The following ADGRL3 variants were observed in gnomAD, a reference collection of about 807,000 sequenced individuals.
ADGRL3 encodes the protein calcium-independent alpha-latrotoxin receptor 3.
ADGRL3 carries 62 observed loss-of-function variants against 153.5 expected under a neutral mutation model. That is an observed-to-expected ratio of 0.40 (90% CI 0.33 to 0.50). ADGRL3 has a LOEUF of 0.50. Among genes scored for constraint, ADGRL3 ranks in the 20% least tolerant of loss-of-function variants. The pLI, the probability that ADGRL3 is intolerant of heterozygous loss-of-function variation, is 0.47. For synonymous variants in ADGRL3, 710 were observed against 672.5 expected (o/e 1.06, Z -0.86); for missense variants, 1,641 against 1,859.4 (o/e 0.88, Z 2.16).
intron 2 of ADGRL3, among the ~76,000 whole-genome samples, chr4:61,419,729 T>A (rs1341682966): frequency 6.6e-6 from 1 of 152,188 alleles, no homozygotes; most frequent in African/African-American, 2.4e-5. Context: ...TTTTTAAAAA[T>A]TTTGATTGTT....
intron 4 of ADGRL3, among the ~76,000 whole-genome samples, chr4:61,545,971 G>A (rs992478678): frequency 6.6e-6 from 1 of 152,126 alleles, no homozygotes; most frequent in Non-Finnish European, 1.5e-5. Context: ...TTAATCTAAG[G>A]ACTGTGCTGT....
At chr4:61,692,816 A>G (rs984131497) in intron 6 of ADGRL3, among the ~76,000 whole-genome samples, 1 of 152,048 alleles carries the variant, frequency 6.6e-6, no homozygotes, top group Non-Finnish European at 1.5e-5. Context: ...CTCTATTACA[A>G]TTTTTATTTT....
intron 9 of ADGRL3, among the ~76,000 whole-genome samples, chr4:61,874,498 G>A (rs1193036065): frequency 6.6e-6 from 1 of 151,970 alleles, no homozygotes; most frequent in African/African-American, 2.4e-5. Context: ...ACATTCAAGG[G>A]GTGGGAAATA....
intron 4 of ADGRL3, among the ~76,000 whole-genome samples, chr4:61,524,344 C>G (rs1553954265): frequency 6.6e-6 from 1 of 152,048 alleles, no homozygotes; most frequent in Non-Finnish European, 1.5e-5. Context: ...ATGTAAGTCT[C>G]CAGTACAGAA....
chr4:61,354,574 CTG>C lies in ADGRL3; in HGVS notation c.-239-28525_-239-28524del, dbSNP rs58238791. 4.8e-3 allele frequency among the ~76,000 whole-genome samples: 718 copies of C among 148,344 alleles called. 7 individuals carry two copies. The highest frequency in any genetic ancestry group is 0.033 in the South Asian group (152 of 4,652). ...TTACTCATAGATGATAAGACTTTGTCTGTGTGTGTGTGTGTGTGTGTGTGTGC... is the reference window on the plus strand; with the variant it reads ...TTACTCATAGATGATAAGACTTTGTCTGTGTGTGTGTGTGTGTGTGTGTGC... On this transcript the variant is annotated intron_variant, in intron 1 of 26. Transcript: ENST00000683033.
chr4:61,513,358 G>A (rs2098473856), intron 3 of ADGRL3, among the ~76,000 whole-genome samples: 1 of 152,052 alleles, frequency 6.6e-6, no homozygotes. Flanking sequence ...ATCTTCCACA[G>A]ATAATATGAA....
In ADGRL3 at chr4:61,325,227, G is replaced by T. The variant is rs540305841; in HGVS notation, c.-239-57897G>T. On this transcript the variant is annotated intron_variant, in intron 1 of 26. Transcript: ENST00000683033. ...CTCAGGAGGCTGAGGCAGGAGAATC[G>T]CTTGAACCAGGGAGTCGGAAGTTGC... Among the ~76,000 whole-genome samples, 6 of 152,152 alleles carry T rather than the reference G, an allele frequency of 3.9e-5. No individual in the cohort carries two copies. The East Asian group carries it at 1.2e-3, about 29-fold the overall frequency.
chr4:61,429,814 G>A (rs188332354), intron 2 of ADGRL3, among the ~76,000 whole-genome samples: 1 of 152,222 alleles, frequency 6.6e-6, no homozygotes, highest in East Asian at 1.9e-4. Flanking sequence ...TGGAAATGAA[G>A]TAATTTTTTA....
intron 8 of ADGRL3, among the ~76,000 whole-genome samples, chr4:61,738,405 G>A (rs973947341): frequency 5.9e-5 from 9 of 152,140 alleles, no homozygotes; most frequent in Non-Finnish European, 1.5e-5. Flanking sequence ...CCTTTTGTGT[G>A]TAATGACCTC....
chr4:61,987,346 T>C (rs1433599858), intron 19 of ADGRL3, among the ~76,000 whole-genome samples: 1 of 151,828 alleles, frequency 6.6e-6, no homozygotes, highest in East Asian at 1.9e-4. Flanking sequence ...TCTAATTTTG[T>C]ATTTTTTTAG....
chr4:61,476,886 T>C (rs894635095), intron 2 of ADGRL3, among the ~76,000 whole-genome samples: 1 of 151,884 alleles, frequency 6.6e-6, no homozygotes, highest in African/African-American at 2.4e-5. Flanking sequence ...GCAATGACTC[T>C]TGTTAGGACT....
At chr4:61,316,004 G>A (rs1045424846) in intron 1 of ADGRL3, among the ~76,000 whole-genome samples, 1 of 152,094 alleles carries the variant, frequency 6.6e-6, no homozygotes, top group African/African-American at 2.4e-5. Flanking sequence ...AAACAAATTT[G>A]TTCCATGTTC....
At chr4:61,454,741 A>C (rs1458183825) in intron 2 of ADGRL3, among the ~76,000 whole-genome samples, 1 of 152,158 alleles carries the variant, frequency 6.6e-6, no homozygotes, top group Non-Finnish European at 1.5e-5. Context: ...TTGTCTATGC[A>C]AGACTCATAT....
At chr4:61,326,672 G>C (rs900659494) in intron 1 of ADGRL3, among the ~76,000 whole-genome samples, 6 of 150,892 alleles carry the variant, frequency 4.0e-5, no homozygotes, top group African/African-American at 1.5e-4. Flanking sequence ...TGGTGAATGG[G>C]TAATTATCCT....
intron 1 of ADGRL3, among the ~76,000 whole-genome samples, chr4:61,293,995 A>G (rs1002894980): frequency 3.9e-5 from 6 of 152,192 alleles, no homozygotes; most frequent in African/African-American, 1.4e-4. Context: ...TCTGAGACCT[A>G]CACTGGTATG....
rs556663649 is a variant in ADGRL3 at position 61,966,574 on chromosome 4, G to T, written c.2806-12989G>T. Among the ~76,000 whole-genome samples, 115 of 58,446 alleles carry T rather than the reference G, an allele frequency of 2.0e-3. 3 individuals are homozygous for T. The South Asian group carries it at 0.082, about 42-fold the overall frequency. The allele number at this position is 58,446 out of a possible 152,430, so 38.3% of individuals were successfully genotyped here. A position where few individuals can be genotyped will look rare whatever the true frequency, so the allele number is the denominator to read the frequency against. The stretch of plus-strand genomic sequence containing the variant: ...CCTTTAAGAAGTACTTTCAAAAGGG[G>T]TGTGTGTGTGTGTGTGTGTGTGTGT... On this transcript the variant is annotated intron_variant, in intron 17 of 26. Transcript: ENST00000683033.
At chr4:61,545,173 C>G (rs2098707930) in intron 4 of ADGRL3, among the ~76,000 whole-genome samples, 1 of 152,126 alleles carries the variant, frequency 6.6e-6, no homozygotes, top group Non-Finnish European at 1.5e-5. Flanking sequence ...CGGAAGTCAG[C>G]ATATCATAAG....
intron 4 of ADGRL3, among the ~76,000 whole-genome samples, chr4:61,545,125 G>T (rs1365514594): frequency 6.6e-6 from 1 of 152,038 alleles, no homozygotes; most frequent in Non-Finnish European, 1.5e-5. Context: ...CTCCTGCATT[G>T]TCCTTAACAT....
At chr4:62,061,447 G>C (rs529557923) in intron 25 of ADGRL3, among the ~76,000 whole-genome samples, 7 of 151,908 alleles carry the variant, frequency 4.6e-5, no homozygotes, top group African/African-American at 1.7e-4. Context: ...GATTTCTTTA[G>C]TTTAACCTGT....
Sources: allele counts gnomAD v4.1 joint callset (sites outside exome capture counted in the v4.1 genomes callset), GRCh38; gene constraint gnomAD v4.1.1; transcripts MANE v1.5; gene names NCBI Gene and HGNC (gene_info 2026-07-23, HGNC 2026-07-21).